MED12L: variants seen among roughly 807,000 people sequenced by gnomAD.
MED12L encodes mediator of RNA polymerase II transcription subunit 12-like protein.
MED12L carries 60 observed loss-of-function variants against 281.3 expected under a neutral mutation model. The observed-to-expected ratio is 0.21, with a 90% CI of 0.17 to 0.26. The LOEUF (loss-of-function observed/expected upper bound fraction) is 0.26, where lower values mean the gene tolerates loss of function less well. Among genes scored for constraint, MED12L ranks in the 10% least tolerant of loss-of-function variants. MED12L has a pLI of 1.00. For synonymous variants in MED12L, 974 were observed against 987.2 expected, an observed-to-expected ratio of 0.99 and a Z score of 0.25; for missense variants, 2,146 against 2,680.9, an observed-to-expected ratio of 0.80 and a Z score of 4.41.
chr3:151,172,319 A>G (rs1366626181), intron 11 of MED12L, among the ~76,000 whole-genome samples: 4 of 152,222 alleles, frequency 2.6e-5, no homozygotes, highest in African/African-American at 9.6e-5. Context: ...AAACCATTCA[A>G]ATATTTATAG....
Position 151,214,136 on chromosome 3 carries a change from T to A in MED12L, c.2250+20470T>A. On this transcript the variant is annotated intron_variant, in intron 16 of 44. Transcript: ENST00000687756. ...ACAAAGTCAGCAATAACAATGTTCT[T>A]GAGATAGATGATGAAACTCTTAGAG... The A allele has an allele frequency of 1.9e-6, 3 of 1,611,830 alleles. No individual in the cohort carries two copies. In the Admixed American group the frequency reaches 5.0e-5, roughly 27 times the overall value.
At chr3:151,424,047 C>G (rs1039674238) in intron 43 of MED12L, among the ~76,000 whole-genome samples, 2 of 152,170 alleles carry the variant, frequency 1.3e-5, no homozygotes, top group South Asian at 4.1e-4. Flanking sequence ...TTGTTCCATT[C>G]AGAGAAATTG....
intron 16 of MED12L, among the ~76,000 whole-genome samples, chr3:151,290,837 T>A (rs1258813564): frequency 6.6e-6 from 1 of 152,208 alleles, no homozygotes; most frequent in Non-Finnish European, 1.5e-5. Flanking sequence ...AGGACAAAAA[T>A]TGAATTTTCT....
intron 11 of MED12L, among the ~76,000 whole-genome samples, chr3:151,180,334 A>G (rs543336978): frequency 6.6e-6 from 1 of 152,324 alleles, no homozygotes; most frequent in South Asian, 2.1e-4. Flanking sequence ...CCCTCCCAGG[A>G]GATACCGAAG....
chr3:151,141,189 T>TTTTG lies in MED12L; in HGVS notation c.556+13208_556+13209insGTTT, dbSNP rs1553808535. On this transcript the variant is annotated intron_variant, in intron 5 of 44. Transcript: ENST00000687756. ...GCGTTTTTTTTTTTGTTTTTTTTGT[T>TTTTG]TTTTTTTTTTTGTTAGTAGAGACGG... 7.2e-5 allele frequency among the ~76,000 whole-genome samples: 10 copies of TTTTG among 138,036 alleles called. No individual in the cohort carries two copies. In the East Asian group the frequency reaches 9.2e-4, roughly 13 times the overall value. The allele number at this position is 138,036 out of a possible 152,430, so 90.6% of individuals were successfully genotyped here. A position where few individuals can be genotyped will look rare whatever the true frequency, so the allele number is the denominator to read the frequency against.
chr3:151,375,038 TA>T (rs1288169656), intron 27 of MED12L, among the ~76,000 whole-genome samples: 25 of 152,346 alleles, frequency 1.6e-4, no homozygotes, highest in Non-Finnish European at 3.2e-4. Flanking sequence ...ATAACTATGG[TA>T]AAAGATAGCT....
intron 16 of MED12L, among the ~76,000 whole-genome samples, chr3:151,270,880 T>C (rs1740816881): frequency 6.6e-6 from 1 of 152,234 alleles, no homozygotes; most frequent in South Asian, 2.1e-4. Flanking sequence ...CATTCTCTGT[T>C]GTACTTTTGT....
intron 16 of MED12L, chr3:151,328,908 G>T (rs779815610): frequency 1.2e-6 from 2 of 1,613,918 alleles, no homozygotes; most frequent in Non-Finnish European, 1.7e-6. Flanking sequence ...ACTGTGTAGA[G>T]GGCTGGGAAT....
intron 20 of MED12L, 123 bp from the exon 21 acceptor site, chr3:151,360,351 G>C: frequency 1.2e-6 from 1 of 832,778 alleles, no homozygotes; most frequent in South Asian, 1.9e-5. Context: ...CTATTTATTA[G>C]TTTCAACAAT....
At chr3:151,149,366 T>C (rs1718157504) in intron 5 of MED12L, among the ~76,000 whole-genome samples, 1 of 152,218 alleles carries the variant, frequency 6.6e-6, no homozygotes, top group African/African-American at 2.4e-5. Flanking sequence ...GGTTTCGTAG[T>C]GCATATAAAA....
At chr3:151,118,634 A>C (rs1007361739) in intron 3 of MED12L, among the ~76,000 whole-genome samples, 18 of 148,618 alleles carry the variant, frequency 1.2e-4, no homozygotes, top group Non-Finnish European at 2.1e-4. Context: ...CATTGTCACT[A>C]TCCATCTCCA....
chr3:151,332,586 C>T (rs976947781), intron 16 of MED12L, among the ~76,000 whole-genome samples: 4 of 152,136 alleles, frequency 2.6e-5, no homozygotes, highest in African/African-American at 9.7e-5. Flanking sequence ...TTTAATATTT[C>T]ACACTATGTT....
intron 37 of MED12L, among the ~76,000 whole-genome samples, chr3:151,388,476 A>G (rs1042681721): frequency 1.3e-5 from 2 of 152,212 alleles, no homozygotes; most frequent in South Asian, 2.1e-4. Context: ...TGAAATTTTT[A>G]GAACTATACA....
At position 151,338,497 on chromosome 3, in the gene MED12L, G is replaced by A. The variant is rs756504008; in HGVS notation, c.2251-11562G>A. The A allele has an allele frequency of 1.9e-6, 3 of 1,613,884 alleles. 1 individual carries two copies. The highest frequency in any genetic ancestry group is 2.5e-6 in the Non-Finnish European group (3 of 1,179,970). ...TTCTGGTAGCGATCGATAGTTATCA[G>A]TCCCAGGAATGAAATACTGATATAC... is the stretch of plus-strand genomic sequence containing the variant. On this transcript the variant is annotated intron_variant, in intron 16 of 44. Coordinates refer to ENST00000687756, the MANE Select transcript of MED12L (RefSeq NM_001393769.1).
intron 16 of MED12L, among the ~76,000 whole-genome samples, chr3:151,238,371 T>C (rs1733366743): frequency 6.6e-6 from 1 of 152,208 alleles, no homozygotes; most frequent in Admixed American, 6.5e-5. Flanking sequence ...GGTCTCGAAC[T>C]CCTGACCTCA....
chr3:151,219,919 A>G (rs780437926), intron 16 of MED12L, among the ~76,000 whole-genome samples: 12 of 118,098 alleles, frequency 1.0e-4, no homozygotes, highest in Non-Finnish European at 1.6e-4. Context: ...GATATGGATG[A>G]TCGAATCAAT....
At position 151,360,618 on chromosome 3, in the gene MED12L, G is replaced by T; in HGVS notation, c.2957+13G>T. Reference sequence around the variant, plus strand: ...GAGACCTCTTCAGGTGAGTAGAAGAGACTCAAAAGGACAGAAATAGGATCA... The same window carrying T: ...GAGACCTCTTCAGGTGAGTAGAAGATACTCAAAAGGACAGAAATAGGATCA... On this transcript the variant is annotated intron_variant, in intron 21 of 44. Transcript: ENST00000687756. 6.2e-7 allele frequency: 1 copy of T among 1,603,986 alleles called. No homozygotes were observed. The highest frequency in any genetic ancestry group is 1.1e-5 in the South Asian group (1 of 89,302).
chr3:151,384,240 A>T (rs764405400), intron 35 of MED12L, 22 bp downstream of exon 35: 1 of 1,582,934 alleles, frequency 6.3e-7, no homozygotes, highest in Admixed American at 1.9e-5. Flanking sequence ...ATCAGCCTGT[A>T]TTATGAGCTC....
At chr3:151,261,974 G>A (rs900424289) in intron 16 of MED12L, among the ~76,000 whole-genome samples, 1 of 152,072 alleles carries the variant, frequency 6.6e-6, no homozygotes, top group African/African-American at 2.4e-5. Context: ...TGATTGACCC[G>A]CCTCGGCCTC....
Sources: gnomAD v4.1 joint callset for allele counts (sites outside exome capture counted in the v4.1 genomes callset) on GRCh38, gnomAD v4.1.1 for gene constraint, MANE v1.5 for transcripts, NCBI Gene and HGNC (gene_info 2026-07-23, HGNC 2026-07-21) for gene names.